MAP3K5: variants seen among roughly 807,000 people sequenced by gnomAD.
The protein encoded by MAP3K5 is ASK-1.
Under a neutral mutation model 158.7 loss-of-function variants are expected in MAP3K5, and 56 were observed. The observed-to-expected ratio is 0.35, with a 90% CI of 0.28 to 0.44. The LOEUF is 0.44. Among genes scored for constraint, MAP3K5 ranks in the 20% least tolerant of loss-of-function variants. MAP3K5 has a pLI of 1.00. For missense variants in MAP3K5, 1,294 were observed against 1,674.8 expected (o/e 0.77, Z 3.97); for synonymous variants, 579 against 601.7 (o/e 0.96, Z 0.55).
intron 7 of MAP3K5, among the ~76,000 whole-genome samples, chr6:136,692,013 T>C (rs1780409207): frequency 6.6e-6 from 1 of 152,162 alleles, no homozygotes; most frequent in South Asian, 2.1e-4. Flanking sequence ...TAATTATGAA[T>C]CACACTTTCC....
intron 13 of MAP3K5, 62 bp downstream of exon 13, chr6:136,639,481 A>G: frequency 1.1e-6 from 1 of 870,360 alleles, no homozygotes; most frequent in South Asian, 1.6e-5. Flanking sequence ...ATGTTCACTC[A>G]TTACTTGAAA....
In MAP3K5 at chr6:136,564,105, G is replaced by A. The variant is rs142016309; in HGVS notation, c.3762-1490C>T. Among the ~76,000 whole-genome samples the A allele has an allele frequency of 5.3e-4, 80 of 152,328 alleles. 2 individuals carry two copies. The East Asian group carries it at 0.015, about 28-fold the overall frequency. On this transcript the variant is annotated intron_variant, in intron 26 of 29. Coordinates refer to ENST00000359015, the MANE Select transcript of MAP3K5 (RefSeq NM_005923.4). ...GAAAAGATTATTGTGAGCATTAAAT[G>A]AGACAGCATAGGTACAGTGCCAAGT...
chr6:136,620,018 C>T (rs1234878058), intron 15 of MAP3K5, among the ~76,000 whole-genome samples: 1 of 152,162 alleles, frequency 6.6e-6, no homozygotes, highest in African/African-American at 2.4e-5. Flanking sequence ...GCCTATAATC[C>T]CAGCACTTTG....
Position 136,562,865 on chromosome 6 carries a change from CAG to C in MAP3K5, c.3762-252_3762-251del, listed in dbSNP as rs201685093. 6.2e-3 allele frequency among the ~76,000 whole-genome samples: 646 copies of C among 103,626 alleles called. 4 individuals carry two copies. In the East Asian group the frequency reaches 0.066, roughly 11 times the overall value. 68.0% of individuals were successfully genotyped at this position (103,626 alleles called of 152,430 possible). The stretch of plus-strand genomic sequence containing the variant: ...TTTTTTTTTTTTTTTTTTGTAGAGA[CAG>C]AGTCTTGCTATGTTGTCCAAGCTGG... On this transcript the variant is annotated intron_variant, in intron 26 of 29. Transcript: ENST00000359015.
intron 1 of MAP3K5, among the ~76,000 whole-genome samples, chr6:136,737,258 C>T (rs983038409): frequency 2.0e-5 from 3 of 151,760 alleles, no homozygotes; most frequent in African/African-American, 7.3e-5. Flanking sequence ...GGGAAGGGGG[C>T]GAGGGTTGAA....
At chr6:136,738,068 G>A (rs1782550714) in intron 1 of MAP3K5, among the ~76,000 whole-genome samples, 1 of 152,196 alleles carries the variant, frequency 6.6e-6, no homozygotes, top group Non-Finnish European at 1.5e-5. Flanking sequence ...CACCGAATGA[G>A]AAATGGCTTA....
chr6:136,632,866 TATA>T (rs1777440818), intron 14 of MAP3K5, among the ~76,000 whole-genome samples: 1 of 152,156 alleles, frequency 6.6e-6, no homozygotes, highest in African/African-American at 2.4e-5. Flanking sequence ...ATAAAAGTAT[TATA>T]ATAATAACAT....
intron 15 of MAP3K5, among the ~76,000 whole-genome samples, chr6:136,619,551 G>C (rs2129094647): frequency 6.6e-6 from 1 of 152,256 alleles, no homozygotes; most frequent in South Asian, 2.1e-4. Flanking sequence ...TTCCCCACCA[G>C]AGTAGTCCAT....
chr6:136,791,477 G>A (rs1235948920), intron 1 of MAP3K5, among the ~76,000 whole-genome samples: 1 of 152,094 alleles, frequency 6.6e-6, no homozygotes, highest in Non-Finnish European at 1.5e-5. Flanking sequence ...TCCAGCGCTG[G>A]GCGGTGGGTG....
chr6:136,698,813 T>C (rs1016975578), intron 3 of MAP3K5, 131 bp from the exon 4 acceptor site: 1 of 645,460 alleles, frequency 1.5e-6, no homozygotes, highest in Non-Finnish European at 2.7e-6. Context: ...TATTTATTTA[T>C]GACCTACGAC....
intron 1 of MAP3K5, among the ~76,000 whole-genome samples, chr6:136,749,501 A>T (rs377010383): frequency 6.6e-6 from 1 of 152,004 alleles, no homozygotes; most frequent in East Asian, 1.9e-4. Context: ...ATATCTCAGG[A>T]CCACTGTCAC....
chr6:136,567,211 A>G (rs1313050302), intron 26 of MAP3K5, among the ~76,000 whole-genome samples: 2 of 152,236 alleles, frequency 1.3e-5, no homozygotes, highest in African/African-American at 4.8e-5. Context: ...ACAAATCTTT[A>G]GCACCATTAA....
At chr6:136,737,037 G>GTGTGTATATATATATATA (rs759947051) in intron 1 of MAP3K5, among the ~76,000 whole-genome samples, 25 of 126,966 alleles carry the variant, frequency 2.0e-4, no homozygotes, top group African/African-American at 8.3e-4. Context: ...ATATGTGTGT[G>GTGTGTATATATATATATA]TATATATATA....
At chr6:136,757,444 G>A (rs550535968) in intron 1 of MAP3K5, among the ~76,000 whole-genome samples, 34 of 152,246 alleles carry the variant, frequency 2.2e-4, no homozygotes, top group African/African-American at 7.9e-4. Flanking sequence ...TGTCTAGTCA[G>A]ATAGCATCAC....
chr6:136,588,975 TTGTAC>T (rs1204260668), intron 23 of MAP3K5, among the ~76,000 whole-genome samples: 1 of 152,228 alleles, frequency 6.6e-6, no homozygotes, highest in Non-Finnish European at 1.5e-5. Flanking sequence ...TCAGCTCTCC[TTGTAC>T]TGAGGCCCTA....
At position 136,559,024 on chromosome 6, in the gene MAP3K5, G is replaced by T; in HGVS notation, c.3988-148C>A. 3 of 592,218 alleles carry T rather than the reference G, an allele frequency of 5.1e-6. No homozygotes were observed. In the South Asian group the frequency reaches 6.5e-5, roughly 13 times the overall value. The allele number at this position is 592,218 out of a possible 1,614,324, so 36.7% of individuals were successfully genotyped here. On this transcript the variant is annotated intron_variant, in intron 28 of 29. Coordinates refer to ENST00000359015, the MANE Select transcript of MAP3K5 (RefSeq NM_005923.4). ...AACACAATCTTCCAGGATTATTAGG[G>T]GAAAGGCCTCCCTGTTACTCAATAA...
At chr6:136,575,887 T>C (rs1774595200) in intron 25 of MAP3K5, among the ~76,000 whole-genome samples, 1 of 152,228 alleles carries the variant, frequency 6.6e-6, no homozygotes, top group Admixed American at 6.5e-5. Flanking sequence ...TCCTTGTAGT[T>C]AGTAAATATC....
At position 136,605,330 on chromosome 6, in the gene MAP3K5, T is replaced by C; in HGVS notation, c.2558A>G (p.Lys853Arg). Residue 853 changes from lysine to arginine, a missense_variant, in exon 19 of 30, where the codon AAA (lysine) becomes AGA (arginine). Lys to Arg is a conservative substitution (Grantham distance 26). This residue lies in a region of MAP3K5 where 362 missense variants were observed against 463.2 expected (regional missense o/e 0.78). Coordinates refer to ENST00000359015, the MANE Select transcript of MAP3K5 (RefSeq NM_005923.4). ...TGCTTTTCCGTAGCCTCTTGGTCCTTTATCTATTATTTCTGGTGCCATATA... is the reference window on the plus strand; with the variant it reads ...TGCTTTTCCGTAGCCTCTTGGTCCTCTATCTATTATTTCTGGTGCCATATA... Reference protein sequence around the residue: ...LQYMAPEIIDKGPRGYGKAAD... With the variant: ...LQYMAPEIIDRGPRGYGKAAD... 1 of 1,613,982 alleles carries C rather than the reference T, an allele frequency of 6.2e-7. No homozygotes were observed. The highest frequency in any genetic ancestry group is 1.1e-5 in the South Asian group (1 of 91,046).
chr6:136,742,519 C>T (rs758485371), intron 1 of MAP3K5, among the ~76,000 whole-genome samples: 5 of 151,088 alleles, frequency 3.3e-5, no homozygotes, highest in Non-Finnish European at 7.4e-5. Flanking sequence ...GATCATAGTT[C>T]TAAATGTAAA....
Sources: gnomAD v4.1 joint callset for allele counts (sites outside exome capture counted in the v4.1 genomes callset) on GRCh38, gnomAD v4.1.1 for gene constraint, gnomAD v4.1.1 regional missense constraint, MANE v1.5 for transcripts, NCBI Gene and HGNC (gene_info 2026-07-23, HGNC 2026-07-21) for gene names.